Variants in CD1B observed in about 807,000 individuals in gnomAD.
The protein encoded by CD1B is CD1b molecule.
Under a neutral mutation model 39.8 loss-of-function variants are expected in CD1B, and 43 were observed. The ratio of observed to expected loss-of-function variants is 1.08; its 90% CI spans 0.85 to 1.39. The LOEUF (loss-of-function observed/expected upper bound fraction) is 1.39. CD1B is among the 40% of genes most tolerant of loss of function. The pLI, the probability that CD1B is intolerant of heterozygous loss-of-function variation, is 0.00. For missense variants in CD1B, 495 were observed against 403.8 expected, an observed-to-expected ratio of 1.23 and a Z score of -1.94; for synonymous variants, 192 against 152.5, an observed-to-expected ratio of 1.26 and a Z score of -1.91.
chr1:158,295,343 C>T, the CD1B span, among the ~76,000 whole-genome samples: 3 of 152,058 alleles, frequency 2.0e-5, no homozygotes, highest in Non-Finnish European at 4.4e-5. Flanking sequence ...TATTCTTGGT[C>T]CTCAGTGGCT....
intron 5 of CD1B, 57 bp from the exon 6 acceptor site, chr1:158,328,314 C>T: frequency 1.4e-6 from 2 of 1,379,700 alleles, no homozygotes; most frequent in Middle Eastern, 1.8e-4. Context: ...TACACCCATG[C>T]TCATAGTAAT....
At chr1:158,322,349 A>C in the CD1B span, among the ~76,000 whole-genome samples, 1 of 151,438 alleles carries the variant, frequency 6.6e-6, no homozygotes. Context: ...GAATTATCCT[A>C]TTTCAGCCTC....
At chr1:158,315,237 C>T in the CD1B span, among the ~76,000 whole-genome samples, 1 of 152,196 alleles carries the variant, frequency 6.6e-6, no homozygotes, top group Non-Finnish European at 1.5e-5. Context: ...GCCACACTGA[C>T]TTCCACAATG....
At chr1:158,303,263 C>T in the CD1B span, among the ~76,000 whole-genome samples, 1 of 152,066 alleles carries the variant, frequency 6.6e-6, no homozygotes, top group Non-Finnish European at 1.5e-5. Flanking sequence ...AGAAACTAGG[C>T]ATTAAAGGAA....
At chr1:158,292,099 A>T in the CD1B span, 1 of 1,613,702 alleles carries the variant, frequency 6.2e-7, no homozygotes, top group Non-Finnish European at 8.5e-7. Context: ...TTTGAAGTAC[A>T]GGTGAAAGCG....
At chr1:158,304,695 G>T in the CD1B span, among the ~76,000 whole-genome samples, 1 of 152,168 alleles carries the variant, frequency 6.6e-6, no homozygotes, top group Non-Finnish European at 1.5e-5. Context: ...TCCCAGTAGG[G>T]GCAGACTGAC....
At chr1:158,307,877 C>T in the CD1B span, among the ~76,000 whole-genome samples, 1 of 152,136 alleles carries the variant, frequency 6.6e-6, no homozygotes, top group South Asian at 2.1e-4. Context: ...CAGGCAATAT[C>T]ATACTGAATG....
chr1:158,289,576 AG>A, the CD1B span, among the ~76,000 whole-genome samples: 1 of 152,190 alleles, frequency 6.6e-6, no homozygotes, highest in African/African-American at 2.4e-5. Context: ...GACATTCAAA[AG>A]GGGGAAAGAA....
the CD1B span, chr1:158,292,907 G>A: frequency 6.2e-7 from 1 of 1,607,816 alleles, no homozygotes; most frequent in Non-Finnish European, 8.5e-7. Context: ...TAGGTAGGTG[G>A]TTCTTGAGCC....
the CD1B span, among the ~76,000 whole-genome samples, chr1:158,288,350 T>C: frequency 6.7e-3 from 1,021 of 152,284 alleles, 12 homozygotes; most frequent in Non-Finnish European, 0.011. Context: ...ACACAGTAAA[T>C]ACATAGAATA....
At chr1:158,312,541 G>GT in the CD1B span, among the ~76,000 whole-genome samples, 1 of 151,918 alleles carries the variant, frequency 6.6e-6, no homozygotes, top group African/African-American at 2.4e-5. Context: ...TTTCATCAGT[G>GT]TTTTATAGAT....
At chr1:158,321,017 G>A in the CD1B span, among the ~76,000 whole-genome samples, 1 of 152,100 alleles carries the variant, frequency 6.6e-6, no homozygotes, top group Admixed American at 6.6e-5. Context: ...GCATCTGTTA[G>A]GTTCATTTGG....
At chr1:158,314,414 T>C in the CD1B span, among the ~76,000 whole-genome samples, 1,728 of 152,242 alleles carry the variant, frequency 0.011, 31 homozygotes, top group African/African-American at 0.04. Context: ...CGAAGTCTTC[T>C]TTGTTATTCT....
the CD1B span, among the ~76,000 whole-genome samples, chr1:158,309,295 G>C: frequency 2.0e-5 from 3 of 152,038 alleles, no homozygotes; most frequent in African/African-American, 2.4e-5. Context: ...CCATCTCACA[G>C]CCTTTAGAAT....
At chr1:158,308,578 C>G in the CD1B span, among the ~76,000 whole-genome samples, 1 of 152,194 alleles carries the variant, frequency 6.6e-6, no homozygotes, top group South Asian at 2.1e-4. Flanking sequence ...TGACTTCAAA[C>G]TATACTACAA....
At chr1:158,320,431 T>C in the CD1B span, among the ~76,000 whole-genome samples, 1 of 152,138 alleles carries the variant, frequency 6.6e-6, no homozygotes, top group African/African-American at 2.4e-5. Context: ...CCAGGTGCCG[T>C]CCGTCACCCC....
rs369884845 is a variant in CD1B at position 158,330,486 on chromosome 1, G to T, written c.328+310C>A. The T allele has an allele frequency of 5.2e-6, 3 of 571,924 alleles. No individual in the cohort carries two copies. In the African/African-American group the frequency reaches 5.6e-5, roughly 11 times the overall value. The allele number at this position is 571,924 out of a possible 1,614,324, so 35.4% of individuals were successfully genotyped here. ...GATGGATTAGGGGAGAAAGCCACAC[G>T]TTAGATCACTCAGGCACAGGGTAGG... On this transcript the variant is annotated intron_variant, in intron 2 of 5. Transcript: ENST00000368168.
At chr1:158,291,012 A>G in the CD1B span, 1 of 1,004,400 alleles carries the variant, frequency 1.0e-6, no homozygotes. Context: ...GGAAAATGGT[A>G]TAGCTAAAGT....
At chr1:158,296,347 C>T in the CD1B span, among the ~76,000 whole-genome samples, 1 of 152,098 alleles carries the variant, frequency 6.6e-6, no homozygotes, top group Non-Finnish European at 1.5e-5. Flanking sequence ...AGCCATGGCC[C>T]CCTGAAATCA....
Sources: gnomAD v4.1 joint callset for allele counts (sites outside exome capture counted in the v4.1 genomes callset) on GRCh38, gnomAD v4.1.1 for gene constraint, MANE v1.5 for transcripts, NCBI Gene and HGNC (gene_info 2026-07-23, HGNC 2026-07-21) for gene names.